Variants in OPTN observed in about 807,000 individuals in gnomAD.
OPTN encodes the protein E3-14.7K-interacting protein.
OPTN carries 54 observed loss-of-function variants against 70.4 expected under a neutral mutation model. The ratio of observed to expected loss-of-function variants is 0.77; its 90% CI spans 0.62 to 0.96. The LOEUF is 0.96. Among genes scored for constraint, OPTN ranks in the 40% least tolerant of loss-of-function variants. OPTN has a pLI of 0.00. For synonymous variants in OPTN, 256 were observed against 248.5 expected, an observed-to-expected ratio of 1.03 and a Z score of -0.28; for missense variants, 624 against 673.2, an observed-to-expected ratio of 0.93 and a Z score of 0.81.
chr10:13,102,844 G>T (rs972117452), intron 1 of OPTN, among the ~76,000 whole-genome samples: 3 of 152,154 alleles, frequency 2.0e-5, no homozygotes, highest in African/African-American at 7.2e-5. Flanking sequence ...TTGGGAGGCT[G>T]AGGTGGGAGA....
At chr10:13,125,603 A>C (rs1207303153) in intron 10 of OPTN, 36 bp downstream of exon 10, 1 of 1,612,606 alleles carries the variant, frequency 6.2e-7, no homozygotes, top group Non-Finnish European at 8.5e-7. Context: ...GCGACGGGGC[A>C]GAGGAGGGAG....
chr10:13,114,761 CATATATAATTATATAATT>C (rs1464717653), intron 5 of OPTN, among the ~76,000 whole-genome samples: 1 of 87,534 alleles, frequency 1.1e-5, no homozygotes, highest in Non-Finnish European at 2.0e-5. Flanking sequence ...TATATAATTG[CATATATAATTATATAATT>C]ATATAATTAT....
At chr10:13,129,400 T>G (rs1365171157) in intron 12 of OPTN, among the ~76,000 whole-genome samples, 1 of 151,892 alleles carries the variant, frequency 6.6e-6, no homozygotes, top group Non-Finnish European at 1.5e-5. Context: ...GTCACCAGGC[T>G]GGAGTGCAGT....
chr10:13,131,301 T>G (rs1052714384), intron 12 of OPTN: 1 of 152,262 alleles, frequency 6.6e-6, no homozygotes, highest in African/African-American at 2.4e-5. Context: ...CCATCACTTC[T>G]GCGGCATCCT....
intron 14 of OPTN, among the ~76,000 whole-genome samples, chr10:13,136,111 C>T (rs1222687892): frequency 6.6e-6 from 1 of 151,862 alleles, no homozygotes; most frequent in Non-Finnish European, 1.5e-5. Context: ...CACTGGATCC[C>T]AGGAGTTAGA....
Position 13,125,479 on chromosome 10 carries a change from C to G in OPTN, c.1060C>G (p.Leu354Val), listed in dbSNP as rs756126198. ...IPSELNEKQELVYTNKKLELQ... is the reference protein window; with the variant it reads ...IPSELNEKQEVVYTNKKLELQ... The stretch of plus-strand genomic sequence containing the variant: ...ATCAGAGTTGAATGAAAAGCAAGAG[C>G]TTGTTTATACTAACAAAAAGTTAGA... Residue 354 changes from leucine (L) to valine (V), a missense_variant, in exon 10 of 15, where the codon CTT becomes GTT. Transcript: ENST00000378747. 1.9e-6 allele frequency: 3 copies of G among 1,614,044 alleles called. No homozygotes were observed. The highest frequency in any genetic ancestry group is 2.5e-6 in the Non-Finnish European group (3 of 1,179,974).
intron 9 of OPTN, 85 bp downstream of exon 9, chr10:13,124,195 CTA>C: frequency 1.3e-6 from 1 of 780,408 alleles, no homozygotes; most frequent in Middle Eastern, 3.3e-4. Context: ...AGTTTTTTAA[CTA>C]TGTTATGACT....
chr10:13,137,409 G>A lies in OPTN; in HGVS notation c.*543G>A. 4.3e-6 allele frequency: 1 copy of A among 232,400 alleles called. No individual in the cohort carries two copies. 14.4% of individuals were successfully genotyped at this position (232,400 alleles called of 1,614,324 possible). On this transcript the variant is annotated 3_prime_UTR_variant, in exon 15 of 15. Transcript: ENST00000378747. ...TAGAATCCTTACCTACTACTCTTCT[G>A]ATAATAATTTTAATATTTTTTATGT...
At chr10:13,126,092 G>A (rs1377070198) in intron 11 of OPTN, 53 bp downstream of exon 11, 8 of 1,069,164 alleles carry the variant, frequency 7.5e-6, no homozygotes, top group Admixed American at 1.8e-5. Flanking sequence ...AGAAACTGTT[G>A]AACGTTTTGT....
intron 14 of OPTN, among the ~76,000 whole-genome samples, chr10:13,135,939 G>A (rs779396860): frequency 7.2e-5 from 11 of 152,188 alleles, no homozygotes; most frequent in Non-Finnish European, 1.6e-4. Flanking sequence ...TGTAATCCCA[G>A]TACATGGGAG....
At chr10:13,120,434 G>A (rs958109057) in intron 7 of OPTN, among the ~76,000 whole-genome samples, 2 of 151,778 alleles carry the variant, frequency 1.3e-5, no homozygotes, top group African/African-American at 2.4e-5. Context: ...CTGAGAAACC[G>A]TTGCCTAACC....
At chr10:13,133,172 ATAT>A (rs1476261837) in intron 13 of OPTN, among the ~76,000 whole-genome samples, 19 of 152,176 alleles carry the variant, frequency 1.2e-4, no homozygotes, top group Admixed American at 1.2e-3. Flanking sequence ...ACTTTACATA[ATAT>A]TATGATTTTG....
intron 5 of OPTN, 98 bp from the exon 6 acceptor site, chr10:13,116,169 A>G (rs1833203056): frequency 3.6e-6 from 3 of 832,380 alleles, no homozygotes; most frequent in African/African-American, 1.7e-5. Flanking sequence ...CTTGGGTTGC[A>G]TGTCACAAAA....
chr10:13,126,087 C>T, intron 11 of OPTN, 48 bp downstream of exon 11: 3 of 1,105,246 alleles, frequency 2.7e-6, no homozygotes, highest in South Asian at 1.3e-5. Context: ...TGAACAGAAA[C>T]TGTTGAACGT....
intron 1 of OPTN, chr10:13,104,444 TTAC>T: frequency 5.3e-6 from 1 of 188,314 alleles, no homozygotes. Flanking sequence ...TTTTTTTTTT[TTAC>T]TATTACAAAA....
intron 9 of OPTN, among the ~76,000 whole-genome samples, chr10:13,124,656 A>G (rs550483172): frequency 2.0e-5 from 3 of 152,356 alleles, no homozygotes; most frequent in Non-Finnish European, 4.4e-5. Flanking sequence ...TGTTTCTAGC[A>G]CAATACGGAG....
chr10:13,109,338 A>G, intron 3 of OPTN, 50 bp downstream of exon 3: 1 of 1,594,932 alleles, frequency 6.3e-7, no homozygotes, highest in Non-Finnish European at 8.6e-7. Flanking sequence ...GCCTGCAAGA[A>G]ATGCCATCCC....
At chr10:13,103,241 C>T (rs141463405) in intron 1 of OPTN, among the ~76,000 whole-genome samples, 1 of 152,164 alleles carries the variant, frequency 6.6e-6, no homozygotes, top group Admixed American at 6.5e-5. Context: ...AATCTTACCC[C>T]CCTTGTGAAC....
chr10:13,113,632 T>C (rs909607067), intron 5 of OPTN, among the ~76,000 whole-genome samples: 2 of 152,152 alleles, frequency 1.3e-5, no homozygotes, highest in African/African-American at 4.8e-5. Flanking sequence ...GCAGAGCAGG[T>C]CGATGCACCA....
Sources: gnomAD v4.1 joint callset for allele counts (sites outside exome capture counted in the v4.1 genomes callset) on GRCh38, gnomAD v4.1.1 for gene constraint, MANE v1.5 for transcripts, NCBI Gene and HGNC (gene_info 2026-07-23, HGNC 2026-07-21) for gene names.